Variants in ART1 observed in about 807,000 individuals in gnomAD.
The protein encoded by ART1 is GPI-linked NAD(P)(+)--arginine ADP-ribosyltransferase 1.
Under a neutral mutation model 27.0 loss-of-function variants are expected in ART1, and 29 were observed. That is an observed-to-expected ratio of 1.08 (90% CI 0.80 to 1.47). ART1 has a LOEUF of 1.47. Among genes scored for constraint, ART1 ranks in the 40% most tolerant of loss-of-function variants. The pLI, the probability that ART1 is intolerant of heterozygous loss-of-function variation, is 0.00. For synonymous variants in ART1, 201 were observed against 172.2 expected (o/e 1.17, Z -1.31); for missense variants, 480 against 423.0 (o/e 1.13, Z -1.18).
At chr11:3,659,541 A>T in intron 2 of ART1, 42 bp from the exon 3 acceptor site, 1 of 1,541,538 alleles carries the variant, frequency 6.5e-7, no homozygotes, top group Non-Finnish European at 8.7e-7. Flanking sequence ...TCATTCTCCC[A>T]GGGGCCTATC....
At chr11:3,649,944 A>G (rs1414744191) in intron 1 of ART1, among the ~76,000 whole-genome samples, 1 of 152,304 alleles carries the variant, frequency 6.6e-6, no homozygotes, top group Non-Finnish European at 1.5e-5. Context: ...ACATTTTATT[A>G]CCCAATCTGC....
intron 1 of ART1, among the ~76,000 whole-genome samples, chr11:3,654,916 A>T (rs1033811991): frequency 1.3e-5 from 2 of 152,232 alleles, no homozygotes; most frequent in African/African-American, 2.4e-5. Flanking sequence ...TGTAGAGCAG[A>T]TGCAGACAGA....
In ART1 at chr11:3,659,257, G is replaced by C. The variant is rs758147442; in HGVS notation, c.44G>C (p.Gly15Ala). The change falls in exon 2 of 5, where the codon GGC (glycine) becomes GCC (alanine). Residue 15 changes from glycine to alanine, a missense_variant. By Grantham distance (60) the Gly-to-Ala change is moderately conservative. Coordinates refer to ENST00000250693, the MANE Select transcript of ART1 (RefSeq NM_004314.3). ...ATGTCTCTGCTTCTTGTGTCTGTGGGCCTCATGGAAGCACTTCAGGTATGG... is the reference window on the plus strand; with the variant it reads ...ATGTCTCTGCTTCTTGTGTCTGTGGCCCTCATGGAAGCACTTCAGGTATGG... ...AMMSLLLVSV[G>A]LMEALQAQSH... The C allele has an allele frequency of 4.7e-5, 76 of 1,614,178 alleles. No individual in the cohort carries two copies. Among genetic ancestry groups the C allele is most frequent in the Non-Finnish European group, 6.4e-5 (76 of 1,180,036 alleles).
At chr11:3,663,071 ATCTCATCATCTCATCTCATCATC>A (rs1488534997) in intron 4 of ART1, among the ~76,000 whole-genome samples, 9 of 105,874 alleles carry the variant, frequency 8.5e-5, no homozygotes, top group African/African-American at 4.2e-4. Context: ...ATCTCATCTC[ATCTCATCATCTCATCTCATCATC>A]TCATCTCATC....
rs1286896030 is a variant in ART1 at position 3,659,156 on chromosome 11, T to A, written c.-52-6T>A. On this transcript the variant is annotated splice_polypyrimidine_tract_variant and splice_region_variant and intron_variant, in intron 1 of 4. Transcript: ENST00000250693. ...AACTATACAGATTAACACTGCAATT[T>A]TCCAGATGAGGAAACTGAGACCCAA... The A allele has an allele frequency of 6.5e-7, 1 of 1,547,528 alleles. No homozygotes were observed. The highest frequency in any genetic ancestry group is 8.9e-7 in the Non-Finnish European group (1 of 1,121,100).
At position 3,664,363 on chromosome 11, in the gene ART1, T is replaced by C. The variant is rs2077645483; in HGVS notation, c.*174T>C. 1 of 632,024 alleles carries C rather than the reference T, an allele frequency of 1.6e-6. No homozygotes were observed. Among genetic ancestry groups the C allele is most frequent in the Non-Finnish European group, 2.8e-6 (1 of 361,652 alleles). 39.2% of individuals were successfully genotyped at this position (632,024 alleles called of 1,614,324 possible). A position where few individuals can be genotyped will look rare whatever the true frequency, so the allele number is the denominator to read the frequency against. On this transcript the variant is annotated 3_prime_UTR_variant, in exon 5 of 5. Transcript: ENST00000250693. ...GAGAAACAGGAGACAATCTGGGGAC[T>C]GAACCTTACCCAGGGCTGTAGGAGT... is the stretch of plus-strand genomic sequence containing the variant.
chr11:3,653,727 T>G (rs1469198654), intron 1 of ART1, among the ~76,000 whole-genome samples: 1 of 152,134 alleles, frequency 6.6e-6, no homozygotes, highest in East Asian at 1.9e-4. Context: ...CATCCTTGAT[T>G]TTTCCCTCTC....
In ART1 at chr11:3,659,166, G is replaced by C; in HGVS notation, c.-48G>C. The C allele has an allele frequency of 6.3e-7, 1 of 1,589,408 alleles. No homozygotes were observed. Among genetic ancestry groups the C allele is most frequent in the African/African-American group, 1.3e-5 (1 of 74,540 alleles). On this transcript the variant is annotated 5_prime_UTR_variant, in exon 2 of 5. Coordinates refer to ENST00000250693, the MANE Select transcript of ART1 (RefSeq NM_004314.3). The stretch of plus-strand genomic sequence containing the variant: ...ATTAACACTGCAATTTTCCAGATGA[G>C]GAAACTGAGACCCAAAAAGAGACAG...
chr11:3,660,272 G>T lies in ART1; in HGVS notation c.753G>T (p.Val251=), dbSNP rs757796309. The change falls in exon 3 of 5, where the codon GTG becomes GTT. Residue 251 remains valine (V), a synonymous_variant. Transcript: ENST00000250693. ...VLIPPFETFQ[V]INASRLAQGP... ...TCCCCCCCTTTGAGACCTTCCAAGT[G>T]ATCAATGCCAGCAGACTGGCCCAGG... The T allele has an allele frequency of 5.6e-6, 9 of 1,612,762 alleles. No homozygotes were observed. The highest frequency in any genetic ancestry group is 6.8e-6 in the Non-Finnish European group (8 of 1,180,006).
chr11:3,659,760 C>T lies in ART1; in HGVS notation c.241C>T (p.Leu81=), dbSNP rs1565044451. The T allele has an allele frequency of 1.2e-6, 2 of 1,613,792 alleles. No individual in the cohort carries two copies. The highest frequency in any genetic ancestry group is 1.7e-6 in the Non-Finnish European group (2 of 1,179,912). Residue 81 remains leucine (L), a synonymous_variant, in exon 3 of 5, where the codon CTG becomes TTG. Transcript: ENST00000250693. ...CCAGGTGTATGCAGACAGCTGGACA[C>T]TGGCAAGCAGCCAATGGCAGGAGCG... ...ANQVYADSWT[L]ASSQWQERQA...
intron 1 of ART1, among the ~76,000 whole-genome samples, chr11:3,658,643 G>C (rs1030065675): frequency 6.6e-6 from 1 of 152,138 alleles, no homozygotes; most frequent in African/African-American, 2.4e-5. Context: ...ACCAAGCCCT[G>C]CTCTAAGTCT....
At chr11:3,659,118 T>G in intron 1 of ART1, 44 bp from the exon 2 acceptor site, 2 of 1,182,768 alleles carry the variant, frequency 1.7e-6, no homozygotes, top group Non-Finnish European at 2.5e-6. Flanking sequence ...TAAGTGTCGA[T>G]TCATGTTTAT....
intron 1 of ART1, among the ~76,000 whole-genome samples, chr11:3,651,449 A>AAAAC (rs2077521186): frequency 5.0e-5 from 7 of 139,520 alleles, no homozygotes; most frequent in Non-Finnish European, 7.6e-5. Flanking sequence ...ATCCCTTCCA[A>AAAAC]AACAACTCCT....
chr11:3,661,490 CTTTTTT>C, intron 4 of ART1, 77 bp downstream of exon 4: 161 of 318,278 alleles, frequency 5.1e-4, no homozygotes, highest in Middle Eastern at 9.2e-4. Context: ...TCACCTCGAT[CTTTTTT>C]TTTTTTTTTT....
intron 1 of ART1, among the ~76,000 whole-genome samples, chr11:3,653,284 C>A (rs1345083362): frequency 6.7e-6 from 1 of 148,800 alleles, no homozygotes; most frequent in Admixed American, 6.6e-5. Context: ...TGCACATACA[C>A]ATCCAGATGG....
At chr11:3,659,363 A>T (rs1459267321) in intron 2 of ART1, 87 bp downstream of exon 2, 2 of 1,573,644 alleles carry the variant, frequency 1.3e-6, no homozygotes, top group Non-Finnish European at 1.7e-6. Context: ...GAGAGAGAGG[A>T]AAGAATGCCC....
intron 1 of ART1, among the ~76,000 whole-genome samples, chr11:3,655,905 A>G (rs1247289467): frequency 1.3e-5 from 2 of 150,384 alleles, no homozygotes; most frequent in Non-Finnish European, 3.0e-5. Context: ...GGACTTCAAG[A>G]GACCACAGAC....
At position 3,664,169 on chromosome 11, in the gene ART1, G is replaced by C; in HGVS notation, c.964G>C (p.Asp322His). The C allele has an allele frequency of 6.2e-7, 1 of 1,613,940 alleles. No individual in the cohort carries two copies. Among genetic ancestry groups the C allele is most frequent in the Admixed American group, 1.7e-5 (1 of 60,012 alleles). Residue 322 changes from aspartate to histidine, a missense_variant, in exon 5 of 5, where the codon GAT becomes CAT. Transcript: ENST00000250693. ...GTTCCTCGTGGTGAGGGCCTTTCCAGATGGTCCAGGCCTCCTTTGATGCAT... is the reference window on the plus strand; with the variant it reads ...GTTCCTCGTGGTGAGGGCCTTTCCACATGGTCCAGGCCTCCTTTGATGCAT... ...LWFLVVRAFP[D>H]GPGLL
chr11:3,659,394 C>T, intron 2 of ART1, 118 bp downstream of exon 2: 12 of 1,481,358 alleles, frequency 8.1e-6, no homozygotes, highest in Non-Finnish European at 1.0e-5. Flanking sequence ...CTGGGGATCA[C>T]TCAGCCCAAG....
Sources: allele counts gnomAD v4.1 joint callset (sites outside exome capture counted in the v4.1 genomes callset), GRCh38; gene constraint gnomAD v4.1.1; transcripts MANE v1.5; gene names NCBI Gene and HGNC (gene_info 2026-07-23, HGNC 2026-07-21).